DAB1: variants seen among roughly 807,000 people sequenced by gnomAD.
DAB1 encodes the protein disabled homolog 1.
DAB1 carries 15 observed loss-of-function variants against 64.6 expected under a neutral mutation model. The observed-to-expected ratio is 0.23, with a 90% CI of 0.16 to 0.36. The LOEUF (loss-of-function observed/expected upper bound fraction) is 0.36, where lower values mean the gene tolerates loss of function less well. Ranked by LOEUF, DAB1 falls within the 10% of genes least tolerant of loss-of-function variation. The pLI is 1.00. For synonymous variants in DAB1, 235 were observed against 251.9 expected (o/e 0.93, Z 0.64); for missense variants, 596 against 706.7 (o/e 0.84, Z 1.78).
chr1:58,417,009 G>A lies in DAB1; in HGVS notation n.258-73606C>T, dbSNP rs116622254. Among the ~76,000 whole-genome samples, 1,088 of 152,286 alleles carry A rather than the reference G, an allele frequency of 7.1e-3. 19 individuals are homozygous for A. The highest frequency in any genetic ancestry group is 0.025 in the African/African-American group (1,038 of 41,542). On this transcript the variant is annotated intron_variant and non_coding_transcript_variant, in intron 3 of 20. Transcript: ENST00000485760. ...ATTGAGTTAAATAAAATGCAGTTTT[G>A]AAATGAATGTCACCCTTTCTTTTTC...
At chr1:57,981,975 A>G (rs1199259545) in intron 5 of DAB1, among the ~76,000 whole-genome samples, 3 of 152,214 alleles carry the variant, frequency 2.0e-5, no homozygotes, top group Admixed American at 1.3e-4. Context: ...ACTAGTTTCT[A>G]TGTAACAGCT....
intron 1 of DAB1, among the ~76,000 whole-genome samples, chr1:57,831,640 A>G (rs1652596430): frequency 6.6e-6 from 1 of 150,574 alleles, no homozygotes; most frequent in Admixed American, 6.6e-5. Flanking sequence ...TTTCTGGGGA[A>G]CAAGTGATCC....
intron 3 of DAB1, among the ~76,000 whole-genome samples, chr1:58,354,619 G>C (rs1322600626): frequency 6.6e-6 from 1 of 152,148 alleles, no homozygotes; most frequent in Non-Finnish European, 1.5e-5. Context: ...GTGTCTGAGA[G>C]GGTGGATTCA....
At chr1:57,966,476 T>A (rs1444513825) in intron 5 of DAB1, among the ~76,000 whole-genome samples, 1 of 152,134 alleles carries the variant, frequency 6.6e-6, no homozygotes, top group African/African-American at 2.4e-5. Flanking sequence ...ACTAGACATG[T>A]GAGTGAAACT....
At chr1:57,530,022 A>C (rs1644642735) in intron 7 of DAB1, among the ~76,000 whole-genome samples, 1 of 152,070 alleles carries the variant, frequency 6.6e-6, no homozygotes, top group African/African-American at 2.4e-5. Flanking sequence ...TCAGTGAGTA[A>C]CTAACACAGC....
chr1:58,349,099 A>T (rs1480607390), intron 3 of DAB1, among the ~76,000 whole-genome samples: 2 of 152,220 alleles, frequency 1.3e-5, no homozygotes, highest in Non-Finnish European at 2.9e-5. Context: ...CTGTAAGCCT[A>T]AGAGCTTACT....
At chr1:58,542,984 C>CTT (rs11445971) in intron 1 of DAB1, among the ~76,000 whole-genome samples, 120 of 149,404 alleles carry the variant, frequency 8.0e-4, no homozygotes, top group Middle Eastern at 7.0e-3. Context: ...AAACAAAAAG[C>CTT]TTTTTTAAAA....
intron 4 of DAB1, among the ~76,000 whole-genome samples, chr1:58,196,281 C>G (rs564397082): frequency 9.9e-5 from 15 of 152,144 alleles, no homozygotes; most frequent in African/African-American, 3.4e-4. Context: ...GTTGGAGCAC[C>G]AAGTATGAGG....
At chr1:57,039,957 C>T (rs1479780720) in intron 9 of DAB1, among the ~76,000 whole-genome samples, 1 of 152,146 alleles carries the variant, frequency 6.6e-6, no homozygotes, top group African/African-American at 2.4e-5. Context: ...CATCCATTCA[C>T]TTACTTCTAT....
chr1:57,744,925 TGGAAAACTGTG>T (rs2101795756), intron 6 of DAB1, among the ~76,000 whole-genome samples: 1 of 152,280 alleles, frequency 6.6e-6, no homozygotes, highest in South Asian at 2.1e-4. Flanking sequence ...AAACACAGTT[TGGAAAACTGTG>T]TTTTTCACAG....
chr1:57,543,835 G>A (rs1644828645), intron 7 of DAB1, among the ~76,000 whole-genome samples: 1 of 152,048 alleles, frequency 6.6e-6, no homozygotes, highest in South Asian at 2.1e-4. Context: ...AGGTGTGGTG[G>A]CACACACCTA....
At chr1:58,414,312 C>T (rs551114353) in intron 3 of DAB1, among the ~76,000 whole-genome samples, 2 of 152,326 alleles carry the variant, frequency 1.3e-5, no homozygotes, top group East Asian at 3.9e-4. Context: ...CAGGTACCAT[C>T]ATCCTCTAAA....
intron 9 of DAB1, among the ~76,000 whole-genome samples, chr1:57,031,068 T>C (rs946885306): frequency 6.6e-6 from 1 of 152,230 alleles, no homozygotes; most frequent in Non-Finnish European, 1.5e-5. Context: ...TAAAATAACC[T>C]TCATACTTGA....
chr1:58,400,358 C>A (rs1644558404), intron 3 of DAB1, among the ~76,000 whole-genome samples: 1 of 152,094 alleles, frequency 6.6e-6, no homozygotes, highest in Admixed American at 6.5e-5. Context: ...ACCAGACACC[C>A]ATCCCTGGTC....
At chr1:57,013,004 T>A (rs1646310603) in intron 12 of DAB1, among the ~76,000 whole-genome samples, 1 of 152,180 alleles carries the variant, frequency 6.6e-6, no homozygotes, top group Admixed American at 6.5e-5. Flanking sequence ...ATCCCTGGGG[T>A]ACATTTGGCA....
chr1:57,378,949 A>G (rs138752129), intron 1 of DAB1, among the ~76,000 whole-genome samples: 2 of 152,338 alleles, frequency 1.3e-5, no homozygotes, highest in Non-Finnish European at 2.9e-5. Flanking sequence ...AATTAATTGT[A>G]GTGGAGTGAA....
intron 7 of DAB1, among the ~76,000 whole-genome samples, chr1:57,519,509 G>T (rs11803909): frequency 0.056 from 8,491 of 152,176 alleles, 807 homozygotes; most frequent in African/African-American, 0.19. Context: ...AACTCAGAGG[G>T]ATGAAAGAGT....
At chr1:57,744,416 C>T (rs1476975752) in intron 6 of DAB1, among the ~76,000 whole-genome samples, 1 of 150,660 alleles carries the variant, frequency 6.6e-6, no homozygotes, top group East Asian at 1.9e-4. Context: ...TCAAGAGAAA[C>T]CATTTGAGTG....
chr1:57,942,238 C>A (rs1447351274), intron 5 of DAB1, among the ~76,000 whole-genome samples: 1 of 152,156 alleles, frequency 6.6e-6, no homozygotes, highest in Non-Finnish European at 1.5e-5. Context: ...TGTAGTCAGT[C>A]AGTTGGTCAG....
Sources: gnomAD v4.1 joint callset for allele counts (sites outside exome capture counted in the v4.1 genomes callset) on GRCh38, gnomAD v4.1.1 for gene constraint, MANE v1.5 for transcripts, NCBI Gene and HGNC (gene_info 2026-07-23, HGNC 2026-07-21) for gene names.